The following BBX variants were observed in gnomAD, a reference collection of about 807,000 sequenced individuals.
BBX encodes the protein HMG box transcription factor BBX.
In BBX, 30 loss-of-function variants were observed where a neutral mutation model predicts 100.2. That is an observed-to-expected ratio of 0.30 (90% CI 0.22 to 0.41). The LOEUF (loss-of-function observed/expected upper bound fraction) is 0.41. Among genes scored for constraint, BBX ranks in the 10% least tolerant of loss-of-function variants. The probability of loss-of-function intolerance (pLI) is 1.00; values close to 1 mark genes in which losing one functional copy is unlikely to be tolerated. For synonymous variants in BBX, 376 were observed against 388.1 expected (o/e 0.97, Z 0.37); for missense variants, 1,023 against 1,129.8 (o/e 0.91, Z 1.35).
In BBX at chr3:107,807,053, T is replaced by C. The variant is rs1012405972; in HGVS notation, c.*1596T>C. 1.3e-5 allele frequency: 2 copies of C among 152,200 alleles called. No individual in the cohort carries two copies. Among genetic ancestry groups the C allele is most frequent in the African/African-American group, 4.8e-5 (2 of 41,446 alleles). 9.4% of individuals were successfully genotyped at this position (152,200 alleles called of 1,614,324 possible). A position where few individuals can be genotyped will look rare whatever the true frequency, so the allele number is the denominator to read the frequency against. ...GTAATGATTTTTTTTCTAATTGTAA[T>C]TTGACGTAATAGCCATACAAAAAAT... On this transcript the variant is annotated 3_prime_UTR_variant, in exon 18 of 18. Coordinates refer to ENST00000325805, the MANE Select transcript of BBX (RefSeq NM_001142568.3).
intron 13 of BBX, among the ~76,000 whole-genome samples, chr3:107,782,530 C>T (rs2068000050): frequency 6.6e-6 from 1 of 152,086 alleles, no homozygotes; most frequent in Non-Finnish European, 1.5e-5. Context: ...ATTCACCTTA[C>T]TCACTGACCT....
At chr3:107,621,431 A>G (rs2055759478) in intron 2 of BBX, among the ~76,000 whole-genome samples, 1 of 152,168 alleles carries the variant, frequency 6.6e-6, no homozygotes, top group African/African-American at 2.4e-5. Flanking sequence ...ATTCTACCTC[A>G]TGGATATGCA....
rs1293633389 is a variant in BBX, at chr3:107,728,980, C to G, written c.601+20C>G. ...TGGCTGGTGAGTTGAGACACTATTT[C>G]CACCTATTCTTTAAGGACAGGGCAA... On this transcript the variant is annotated intron_variant, in intron 6 of 17. Coordinates refer to ENST00000325805, the MANE Select transcript of BBX (RefSeq NM_001142568.3). 6.2e-7 allele frequency: 1 copy of G among 1,607,910 alleles called. No individual in the cohort carries two copies. Among genetic ancestry groups the G allele is most frequent in the Non-Finnish European group, 8.5e-7 (1 of 1,176,580 alleles).
At chr3:107,795,613 CTTTTTTTTTT>C (rs1158136233) in intron 15 of BBX, among the ~76,000 whole-genome samples, 1 of 60,002 alleles carries the variant, frequency 1.7e-5, no homozygotes, top group Non-Finnish European at 3.0e-5. Context: ...CCGACGTAGT[CTTTTTTTTTT>C]TTTTTTTTTT....
At chr3:107,537,010 C>A (rs1380248956) in intron 2 of BBX, among the ~76,000 whole-genome samples, 1 of 152,098 alleles carries the variant, frequency 6.6e-6, no homozygotes, top group African/African-American at 2.4e-5. Context: ...CTGTGTTTGC[C>A]CGTTAAGTCT....
At chr3:107,703,735 T>C (rs1420527299) in intron 3 of BBX, among the ~76,000 whole-genome samples, 1 of 152,226 alleles carries the variant, frequency 6.6e-6, no homozygotes, top group African/African-American at 2.4e-5. Context: ...GAGATATTTT[T>C]CATGTACTTT....
intron 3 of BBX, among the ~76,000 whole-genome samples, chr3:107,699,069 C>G (rs1241242238): frequency 1.3e-5 from 2 of 151,794 alleles, no homozygotes; most frequent in Admixed American, 6.6e-5. Flanking sequence ...GTGTCAAGCC[C>G]TGGAGACACA....
intron 2 of BBX, among the ~76,000 whole-genome samples, chr3:107,546,035 T>C (rs1304872177): frequency 3.9e-5 from 6 of 152,318 alleles, no homozygotes; most frequent in African/African-American, 1.4e-4. Context: ...GTATTACACA[T>C]GAAACCTCAA....
chr3:107,629,323 A>G (rs1221464884), intron 2 of BBX, among the ~76,000 whole-genome samples: 1 of 152,218 alleles, frequency 6.6e-6, no homozygotes, highest in African/African-American at 2.4e-5. Flanking sequence ...GTCCATGAAT[A>G]TATAAATCCC....
chr3:107,536,539 C>T (rs1374294986), intron 2 of BBX, among the ~76,000 whole-genome samples: 1 of 152,136 alleles, frequency 6.6e-6, no homozygotes, highest in Non-Finnish European at 1.5e-5. Context: ...TGTTGTGTTT[C>T]ATTCCCCACC....
At chr3:107,600,280 T>G (rs559903534) in intron 2 of BBX, among the ~76,000 whole-genome samples, 6 of 152,340 alleles carry the variant, frequency 3.9e-5, no homozygotes, top group African/African-American at 1.4e-4. Context: ...CATGGAGAAC[T>G]GTATATTGGT....
chr3:107,716,463 A>AT, intron 4 of BBX, 144 bp from the exon 5 acceptor site: 1 of 1,042,298 alleles, frequency 9.6e-7, no homozygotes, highest in African/African-American at 1.6e-5. Context: ...GTGGTTGTTG[A>AT]TTTTTTAAAA....
intron 3 of BBX, among the ~76,000 whole-genome samples, chr3:107,657,379 T>A (rs972071894): frequency 1.3e-5 from 2 of 152,180 alleles, no homozygotes; most frequent in Admixed American, 1.3e-4. Flanking sequence ...CTAAAACACT[T>A]GATTCCTACT....
At chr3:107,537,103 A>G (rs1289795646) in intron 2 of BBX, among the ~76,000 whole-genome samples, 2 of 152,210 alleles carry the variant, frequency 1.3e-5, no homozygotes, top group Admixed American at 6.5e-5. Flanking sequence ...TTTAAATAGT[A>G]GTTCATCCTT....
At chr3:107,562,155 C>T (rs921057749) in intron 2 of BBX, among the ~76,000 whole-genome samples, 5 of 150,916 alleles carry the variant, frequency 3.3e-5, no homozygotes, top group South Asian at 2.1e-4. Flanking sequence ...GATTCTCACA[C>T]GTTGAAATAA....
intron 13 of BBX, among the ~76,000 whole-genome samples, chr3:107,786,896 T>TA (rs199909384): frequency 0.014 from 2,115 of 152,232 alleles, 15 homozygotes; most frequent in African/African-American, 0.017. Flanking sequence ...ACATATCTGA[T>TA]AAAAAAACTT....
chr3:107,773,280 G>T lies in BBX; in HGVS notation c.1559G>T (p.Ser520Ile). 3.1e-6 allele frequency: 5 copies of T among 1,614,088 alleles called. No homozygotes were observed. The highest frequency in any genetic ancestry group is 4.2e-6 in the Non-Finnish European group (5 of 1,179,980). Residue 520 changes from serine to isoleucine, a missense_variant, in exon 11 of 18, where the codon AGC becomes ATC. Ser to Ile is a moderately radical substitution (Grantham distance 142). This residue lies in a region of BBX where 348 missense variants were observed against 353.2 expected (regional missense o/e 0.99). Coordinates refer to ENST00000325805, the MANE Select transcript of BBX (RefSeq NM_001142568.3). The surrounding 1 kb of genome is among the most constrained non-coding windows in gnomAD (Gnocchi z 4.1). The part of the protein sequence containing the change: ...KVRTSSSGKG[S>I]ILDAKPPKKK... The stretch of plus-strand genomic sequence containing the variant: ...CGCACATCCTCAAGTGGCAAGGGAA[G>T]CATTTTGGATGCCAAGCCACCAAAG...
At chr3:107,584,356 A>AT (rs1478777655) in intron 2 of BBX, among the ~76,000 whole-genome samples, 2 of 146,726 alleles carry the variant, frequency 1.4e-5, no homozygotes, top group Non-Finnish European at 3.0e-5. Flanking sequence ...AAACAATACT[A>AT]TTTTTTCTTT....
intron 3 of BBX, chr3:107,677,321 A>G (rs937262159): frequency 6.6e-6 from 1 of 152,166 alleles, no homozygotes; most frequent in Non-Finnish European, 1.5e-5. Context: ...GCAGAGATAC[A>G]GATTATATTT....
Sources: gnomAD v4.1 joint callset for allele counts (sites outside exome capture counted in the v4.1 genomes callset) on GRCh38, gnomAD v4.1.1 for gene constraint, gnomAD v4.1.1 regional missense constraint, Gnocchi (gnomAD v3.1) non-coding constraint, MANE v1.5 for transcripts, NCBI Gene and HGNC (gene_info 2026-07-23, HGNC 2026-07-21) for gene names.